Variants in CHRNA7 observed in about 807,000 individuals in gnomAD.
CHRNA7 encodes the protein cholinergic receptor nicotinic alpha 7 subunit.
CHRNA7 carries 17 observed loss-of-function variants against 48.0 expected under a neutral mutation model. The observed-to-expected ratio is 0.35, with a 90% CI of 0.24 to 0.53. The LOEUF (loss-of-function observed/expected upper bound fraction) is 0.53. CHRNA7 is among the 20% of genes least tolerant of loss of function. The pLI, the probability that CHRNA7 is intolerant of heterozygous loss-of-function variation, is 0.92. For missense variants in CHRNA7, 155 were observed against 577.7 expected, an observed-to-expected ratio of 0.27 and a Z score of 7.50; for synonymous variants, 75 against 242.3, an observed-to-expected ratio of 0.31 and a Z score of 6.41.
chr15:32,037,018 A>T (rs975030376), intron 2 of CHRNA7, among the ~76,000 whole-genome samples: 5 of 152,198 alleles, frequency 3.3e-5, no homozygotes, highest in Middle Eastern at 3.2e-3. Context: ...ATCCAAGGTC[A>T]TACAGGTTTT....
chr15:32,128,010 C>A (rs2051097588), intron 4 of CHRNA7, among the ~76,000 whole-genome samples: 1 of 151,950 alleles, frequency 6.6e-6, no homozygotes, highest in African/African-American at 2.4e-5. Context: ...AGATTTACAT[C>A]AAAGTTTATC....
intron 2 of CHRNA7, among the ~76,000 whole-genome samples, chr15:32,067,570 A>G (rs906043926): frequency 6.7e-6 from 1 of 150,328 alleles, no homozygotes; most frequent in Non-Finnish European, 1.5e-5. Flanking sequence ...CTATAAAGAG[A>G]TAAAGAATAT....
At chr15:32,114,774 A>C (rs1566849728) in intron 4 of CHRNA7, among the ~76,000 whole-genome samples, 1 of 152,230 alleles carries the variant, frequency 6.6e-6, no homozygotes. Flanking sequence ...AACAACTCAG[A>C]TTATTCCTCA....
intron 4 of CHRNA7, among the ~76,000 whole-genome samples, chr15:32,127,057 C>T (rs2051078988): frequency 6.6e-6 from 1 of 152,150 alleles, no homozygotes; most frequent in African/African-American, 2.4e-5. Flanking sequence ...AGCCACATCC[C>T]GCTTGTCCCT....
intron 4 of CHRNA7, among the ~76,000 whole-genome samples, chr15:32,119,646 T>G (rs2878994): frequency 0.11 from 17,207 of 152,250 alleles, 1,019 homozygotes; most frequent in Middle Eastern, 0.15. Context: ...AAAAAAATAT[T>G]TATTCATATT....
intron 4 of CHRNA7, among the ~76,000 whole-genome samples, chr15:32,144,143 G>T (rs1180736214): frequency 6.6e-6 from 1 of 152,156 alleles, no homozygotes; most frequent in Non-Finnish European, 1.5e-5. Flanking sequence ...GCATTTGCTT[G>T]TCTGTAAAGG....
chr15:32,119,303 C>T (rs2050926444), intron 4 of CHRNA7, among the ~76,000 whole-genome samples: 1 of 152,198 alleles, frequency 6.6e-6, no homozygotes, highest in South Asian at 2.1e-4. Flanking sequence ...TAACATTTTC[C>T]TGGTTCCTTC....
Position 32,030,520 on chromosome 15 carries a change from T to C in CHRNA7, c.-75T>C. On this transcript the variant is annotated 5_prime_UTR_variant, in exon 1 of 10. Transcript: ENST00000306901. ...CGCGAGCCGAGCGGCGAGGTGCCTC[T>C]GTGGCCGCAGGCGCAGGCCCGGGCG... 2 of 1,333,314 alleles carry C rather than the reference T, an allele frequency of 1.5e-6. No individual in the cohort carries two copies. Among genetic ancestry groups the C allele is most frequent in the Non-Finnish European group, 1.9e-6 (2 of 1,045,296 alleles). 82.6% of individuals were successfully genotyped at this position (1,333,314 alleles called of 1,614,324 possible).
At chr15:32,127,479 T>C (rs1012168509) in intron 4 of CHRNA7, among the ~76,000 whole-genome samples, 7 of 152,154 alleles carry the variant, frequency 4.6e-5, no homozygotes, top group African/African-American at 1.4e-4. Context: ...CTATTTTTTT[T>C]ATTTTAGCCA....
intron 2 of CHRNA7, among the ~76,000 whole-genome samples, chr15:32,095,126 T>G (rs773909394): frequency 6.6e-6 from 1 of 152,228 alleles, no homozygotes; most frequent in Non-Finnish European, 1.5e-5. Context: ...GCCTGTGATA[T>G]CTATAGTTTT....
At chr15:32,035,506 G>T (rs889712318) in intron 2 of CHRNA7, among the ~76,000 whole-genome samples, 3 of 152,180 alleles carry the variant, frequency 2.0e-5, no homozygotes, top group African/African-American at 7.2e-5. Context: ...TCACAAGACC[G>T]TAGAACTAAG....
intron 2 of CHRNA7, among the ~76,000 whole-genome samples, chr15:32,034,304 A>AC (rs747386329): frequency 3.0e-4 from 46 of 152,188 alleles, no homozygotes; most frequent in Non-Finnish European, 6.2e-4. Flanking sequence ...TTTATGGGAC[A>AC]CTGGCAACCT....
intron 2 of CHRNA7, among the ~76,000 whole-genome samples, chr15:32,055,211 CT>C (rs1290389828): frequency 2.0e-5 from 3 of 150,694 alleles, no homozygotes; most frequent in Non-Finnish European, 4.4e-5. Context: ...AATCGTGTCT[CT>C]TTACTATTTC....
At chr15:32,036,725 T>C (rs1460110005) in intron 2 of CHRNA7, among the ~76,000 whole-genome samples, 1 of 151,832 alleles carries the variant, frequency 6.6e-6, no homozygotes, top group Non-Finnish European at 1.5e-5. Context: ...CATCTGTAGG[T>C]CTTCTTTGGT....
At chr15:32,102,820 C>T (rs968885940) in intron 3 of CHRNA7, 6 of 152,188 alleles carry the variant, frequency 3.9e-5, no homozygotes, top group Non-Finnish European at 7.3e-5. Flanking sequence ...AGCAATGTTA[C>T]TCAATCTTTG....
At chr15:32,050,924 T>G (rs1181626800) in intron 2 of CHRNA7, among the ~76,000 whole-genome samples, 1 of 152,216 alleles carries the variant, frequency 6.6e-6, no homozygotes, top group Non-Finnish European at 1.5e-5. Context: ...CAGACCCTGT[T>G]TGCCTGGGTA....
At chr15:32,061,983 T>A (rs2049886556) in intron 2 of CHRNA7, among the ~76,000 whole-genome samples, 1 of 152,244 alleles carries the variant, frequency 6.6e-6, no homozygotes, top group Admixed American at 6.5e-5. Flanking sequence ...TGATACTTTT[T>A]AAAATTAACA....
Position 32,123,765 on chromosome 15 carries a change from G to C in CHRNA7, c.350+11866G>C, listed in dbSNP as rs76692838. 3.7e-3 allele frequency among the ~76,000 whole-genome samples: 562 copies of C among 151,898 alleles called. 7 individuals carry two copies. Among genetic ancestry groups the C allele is most frequent in the African/African-American group, 0.013 (529 of 41,408 alleles). On this transcript the variant is annotated intron_variant, in intron 4 of 9. Coordinates refer to ENST00000306901, the MANE Select transcript of CHRNA7 (RefSeq NM_000746.6). Reference sequence around the variant, plus strand: ...AGCCCTTCCTCTCCCCTCTCTCTCCGCTGTGCAGTATATAATCTCACCTTT... The same window carrying C: ...AGCCCTTCCTCTCCCCTCTCTCTCCCCTGTGCAGTATATAATCTCACCTTT...
intron 4 of CHRNA7, among the ~76,000 whole-genome samples, chr15:32,115,824 A>C (rs1471387331): frequency 6.6e-6 from 1 of 152,180 alleles, no homozygotes; most frequent in Non-Finnish European, 1.5e-5. Context: ...TATTAGGAGG[A>C]GGAGCGAAGA....
Sources: allele counts gnomAD v4.1 joint callset (sites outside exome capture counted in the v4.1 genomes callset), GRCh38; gene constraint gnomAD v4.1.1; transcripts MANE v1.5; gene names NCBI Gene and HGNC (gene_info 2026-07-23, HGNC 2026-07-21).